The following LMNB1 variants were observed in gnomAD, a reference collection of about 807,000 sequenced individuals.
LMNB1 encodes lamin B1.
LMNB1 carries 23 observed loss-of-function variants against 67.1 expected under a neutral mutation model. That is an observed-to-expected ratio of 0.34 (90% CI 0.25 to 0.49). The LOEUF (loss-of-function observed/expected upper bound fraction) is 0.49, where lower values mean the gene tolerates loss of function less well. LMNB1 is among the 20% of genes least tolerant of loss of function. The probability of loss-of-function intolerance (pLI) is 0.99; values close to 1 mark genes in which losing one functional copy is unlikely to be tolerated. For missense variants in LMNB1, 634 were observed against 746.5 expected, an observed-to-expected ratio of 0.85 and a Z score of 1.76; for synonymous variants, 281 against 282.9, an observed-to-expected ratio of 0.99 and a Z score of 0.07.
At chr5:126,802,777 ACT>A in intron 1 of LMNB1, among the ~76,000 whole-genome samples, 1 of 152,168 alleles carries the variant, frequency 6.6e-6, no homozygotes, top group Non-Finnish European at 1.5e-5. Context: ...CTGTGTAACT[ACT>A]GTTAATAATT....
rs1269878598 is a variant in LMNB1 at position 126,783,244 on chromosome 5, T to C, written c.359+5377T>C. On this transcript the variant is annotated intron_variant, in intron 1 of 10. Transcript: ENST00000261366. ...CAAAAAAACCACAAAAAACAAACCTTCATCATCCTGTGTATTACTATATCT... is the reference window on the plus strand; with the variant it reads ...CAAAAAAACCACAAAAAACAAACCTCCATCATCCTGTGTATTACTATATCT... 2.6e-5 allele frequency among the ~76,000 whole-genome samples: 4 copies of C among 151,808 alleles called. 1 individual carries two copies. The highest frequency in any genetic ancestry group is 5.9e-5 in the Non-Finnish European group (4 of 67,942).
chr5:126,810,238 G>A lies in LMNB1; in HGVS notation c.701G>A (p.Arg234His), dbSNP rs780837845. Residue 234 changes from arginine (R) to histidine (H), a missense_variant, in exon 4 of 11, where the codon CGT (arginine) becomes CAT (histidine). Arg to His is a conservative substitution (Grantham distance 29, BLOSUM62 0). Transcript: ENST00000261366. ...CGCTTGGTAGAGGTGGATTCTGGGC[G>A]TCAAATTGAGTATGAGTACAAGCTG... ...ETRLVEVDSG[R>H]QIEYEYKLAQ... 2.6e-5 allele frequency: 42 copies of A among 1,613,726 alleles called. No individual in the cohort carries two copies. Among genetic ancestry groups the A allele is most frequent in the South Asian group, 5.5e-5 (5 of 91,074 alleles).
At position 126,811,661 on chromosome 5, in the gene LMNB1, TC is replaced by T; in HGVS notation, c.814-111del. ...AACTTCATGATGCTTTTCCTGTGTT[TC>T]ATCTACCAGTTACCAGCAGGACTTA... On this transcript the variant is annotated intron_variant, in intron 4 of 10. Coordinates refer to ENST00000261366, the MANE Select transcript of LMNB1 (RefSeq NM_005573.4). 3 of 917,742 alleles carry T rather than the reference TC, an allele frequency of 3.3e-6. 1 individual carries two copies. The South Asian group carries it at 5.7e-5, about 18-fold the overall frequency. The allele number at this position is 917,742 out of a possible 1,614,324, so 56.8% of individuals were successfully genotyped here. A position where few individuals can be genotyped will look rare whatever the true frequency, so the allele number is the denominator to read the frequency against.
intron 1 of LMNB1, among the ~76,000 whole-genome samples, chr5:126,779,337 C>T (rs542550819): frequency 3.3e-5 from 5 of 152,330 alleles, no homozygotes; most frequent in African/African-American, 1.2e-4. Context: ...TTTAGTTATA[C>T]AACTCGAAAA....
At chr5:126,801,788 A>C (rs1311125958) in intron 1 of LMNB1, among the ~76,000 whole-genome samples, 2 of 152,226 alleles carry the variant, frequency 1.3e-5, no homozygotes, top group African/African-American at 4.8e-5. Flanking sequence ...TCCTGCCATG[A>C]GGCAGGATCA....
At chr5:126,813,331 C>G (rs1353338349) in intron 5 of LMNB1, among the ~76,000 whole-genome samples, 1 of 152,158 alleles carries the variant, frequency 6.6e-6, no homozygotes, top group Non-Finnish European at 1.5e-5. Context: ...TGAGTTCATT[C>G]CATGTAACCA....
chr5:126,796,896 C>T (rs564251321), intron 1 of LMNB1, among the ~76,000 whole-genome samples: 1 of 150,220 alleles, frequency 6.7e-6, no homozygotes, highest in East Asian at 2.0e-4. Flanking sequence ...TCAAGCGATT[C>T]TCCTGCCTCA....
At chr5:126,834,652 A>G (rs12514978) in intron 10 of LMNB1, among the ~76,000 whole-genome samples, 11,471 of 152,272 alleles carry the variant, frequency 0.075, 459 homozygotes, top group African/African-American at 0.09. Flanking sequence ...GGAGGCAGGC[A>G]GATCACAAGG....
chr5:126,816,978 G>T (rs1751725777), intron 5 of LMNB1, among the ~76,000 whole-genome samples: 1 of 152,174 alleles, frequency 6.6e-6, no homozygotes, highest in Admixed American at 6.5e-5. Context: ...ACCCTCAAGG[G>T]TGAAGGACAG....
At chr5:126,812,002 A>G in intron 5 of LMNB1, 104 bp downstream of exon 5, 1 of 1,169,030 alleles carries the variant, frequency 8.6e-7, no homozygotes, top group Non-Finnish European at 1.2e-6. Context: ...TCTGTTTGTT[A>G]CAGAGGATGG....
chr5:126,798,655 A>G (rs1454180335), intron 1 of LMNB1, among the ~76,000 whole-genome samples: 1 of 152,046 alleles, frequency 6.6e-6, no homozygotes, highest in South Asian at 2.1e-4. Flanking sequence ...AAGAGACATG[A>G]TATTTTACAT....
chr5:126,784,165 C>G (rs908830499), intron 1 of LMNB1, among the ~76,000 whole-genome samples: 14 of 150,032 alleles, frequency 9.3e-5, no homozygotes, highest in African/African-American at 3.4e-4. Flanking sequence ...GCTGGGATTA[C>G]AGGCATGCGC....
At chr5:126,812,042 CT>C in intron 5 of LMNB1, 144 bp downstream of exon 5, 1 of 722,464 alleles carries the variant, frequency 1.4e-6, no homozygotes, top group South Asian at 1.9e-5. Flanking sequence ...CTTCACAGTA[CT>C]TTTCTAGATT....
intron 1 of LMNB1, among the ~76,000 whole-genome samples, chr5:126,786,444 A>G (rs1241128835): frequency 1.3e-5 from 2 of 152,158 alleles, no homozygotes; most frequent in Non-Finnish European, 2.9e-5. Flanking sequence ...TAAGCTCATG[A>G]TAACTGCTGA....
intron 1 of LMNB1, among the ~76,000 whole-genome samples, chr5:126,788,200 A>G (rs781269494): frequency 2.0e-5 from 3 of 152,118 alleles, no homozygotes; most frequent in Non-Finnish European, 4.4e-5. Flanking sequence ...GGTTTGGAGG[A>G]CCCTAAGTCA....
intron 1 of LMNB1, among the ~76,000 whole-genome samples, chr5:126,789,077 AG>A (rs1432946488): frequency 2.6e-5 from 4 of 151,596 alleles, no homozygotes; most frequent in African/African-American, 9.7e-5. Flanking sequence ...TTGTGGGGAG[AG>A]GGTTTTGCCA....
At chr5:126,796,226 G>T (rs1751088532) in intron 1 of LMNB1, among the ~76,000 whole-genome samples, 1 of 152,048 alleles carries the variant, frequency 6.6e-6, no homozygotes, top group South Asian at 2.1e-4. Flanking sequence ...ACCGTGCCCG[G>T]CCCTGGATGC....
chr5:126,832,887 C>G, intron 10 of LMNB1, 86 bp downstream of exon 10: 1 of 852,406 alleles, frequency 1.2e-6, no homozygotes, highest in East Asian at 3.0e-5. Flanking sequence ...GGTTTTTCCC[C>G]TATCAGTTGA....
intron 7 of LMNB1, among the ~76,000 whole-genome samples, 183 bp downstream of exon 7, chr5:126,821,318 G>A (rs1420854161): frequency 2.0e-5 from 3 of 152,110 alleles, no homozygotes; most frequent in African/African-American, 7.2e-5. Context: ...GAAGAGTTAG[G>A]TACCCTTAGT....
Sources: gnomAD v4.1 joint callset for allele counts (sites outside exome capture counted in the v4.1 genomes callset) on GRCh38, gnomAD v4.1.1 for gene constraint, MANE v1.5 for transcripts, NCBI Gene and HGNC (gene_info 2026-07-23, HGNC 2026-07-21) for gene names.